The following PDE3B variants were observed in gnomAD, a reference collection of about 807,000 sequenced individuals.
The protein encoded by PDE3B is cGMP-inhibited 3',5'-cyclic phosphodiesterase 3B.
A neutral mutation model predicts 116.8 loss-of-function variants in PDE3B; 66 were observed. The ratio of observed to expected loss-of-function variants is 0.56; its 90% CI spans 0.46 to 0.69. The LOEUF is 0.69. Among genes scored for constraint, PDE3B ranks in the 30% least tolerant of loss-of-function variants. The pLI, the probability that PDE3B is intolerant of heterozygous loss-of-function variation, is 0.00. For missense variants in PDE3B, 1,384 were observed against 1,368.1 expected, an observed-to-expected ratio of 1.01 and a Z score of -0.18; for synonymous variants, 595 against 533.6, an observed-to-expected ratio of 1.12 and a Z score of -1.59.
the PDE3B span, among the ~76,000 whole-genome samples, chr11:14,883,226 G>A: frequency 4.6e-5 from 7 of 151,396 alleles, no homozygotes; most frequent in African/African-American, 1.7e-4. Flanking sequence ...GCATCGCCAA[G>A]TCAATCCTAA....
intron 1 of PDE3B, among the ~76,000 whole-genome samples, chr11:14,687,029 A>AT (rs1854898737): frequency 1.3e-5 from 2 of 152,172 alleles, no homozygotes; most frequent in African/African-American, 4.8e-5. Context: ...TTATTAAAAT[A>AT]TTTTTTATAG....
the PDE3B span, chr11:14,885,791 T>C: frequency 1.7e-5 from 28 of 1,612,692 alleles, no homozygotes; most frequent in African/African-American, 2.8e-4. Flanking sequence ...ATTTTTGTCA[T>C]CTTCATGAAT....
At chr11:14,835,447 T>A (rs201585111) in intron 11 of PDE3B, among the ~76,000 whole-genome samples, 19,574 of 151,468 alleles carry the variant, frequency 0.13, 1,394 homozygotes, top group African/African-American at 0.19. Context: ...TAAAAAAAAT[T>A]TTTTTTTTGT....
chr11:14,705,297 T>C (rs1032019002), intron 1 of PDE3B, among the ~76,000 whole-genome samples: 1 of 151,778 alleles, frequency 6.6e-6, no homozygotes, highest in Non-Finnish European at 1.5e-5. Flanking sequence ...TTGTGCTCTA[T>C]CCCTACCAGT....
intron 1 of PDE3B, among the ~76,000 whole-genome samples, chr11:14,703,583 C>G (rs1376565950): frequency 1.3e-5 from 2 of 151,544 alleles, no homozygotes; most frequent in Non-Finnish European, 3.0e-5. Context: ...CATAAGAGAT[C>G]TTAGCATATT....
chr11:14,845,944 A>G (rs964481308), intron 12 of PDE3B, among the ~76,000 whole-genome samples: 3 of 152,232 alleles, frequency 2.0e-5, no homozygotes, highest in Non-Finnish European at 2.9e-5. Context: ...AACTTCCCCA[A>G]TCTAGCAAGG....
At chr11:14,712,466 GTTTTTTTTT>G (rs58004646) in intron 1 of PDE3B, among the ~76,000 whole-genome samples, 1 of 76,282 alleles carries the variant, frequency 1.3e-5, no homozygotes, top group Admixed American at 1.7e-4. Context: ...GTACAAGCTT[GTTTTTTTTT>G]TTTTTTTTTT....
intron 1 of PDE3B, among the ~76,000 whole-genome samples, chr11:14,710,480 G>T (rs1194185493): frequency 6.6e-6 from 1 of 152,148 alleles, no homozygotes; most frequent in African/African-American, 2.4e-5. Flanking sequence ...GTAGGTTCAC[G>T]TCTGAGTGGG....
At chr11:14,810,300 A>G (rs964056076) in intron 5 of PDE3B, among the ~76,000 whole-genome samples, 1 of 146,258 alleles carries the variant, frequency 6.8e-6, no homozygotes, top group Non-Finnish European at 1.5e-5. Context: ...CATATCTCCC[A>G]ATGCTATCCC....
At chr11:14,856,767 C>T (rs1051419781) in intron 12 of PDE3B, among the ~76,000 whole-genome samples, 22 of 151,386 alleles carry the variant, frequency 1.5e-4, no homozygotes, top group Admixed American at 7.2e-4. Flanking sequence ...GGCAGGAGAA[C>T]GGCTTGAACC....
intron 1 of PDE3B, among the ~76,000 whole-genome samples, chr11:14,691,394 C>G (rs1172069509): frequency 3.9e-5 from 6 of 151,950 alleles, no homozygotes. Context: ...AATTTTTTGA[C>G]TTATTAAGTG....
chr11:14,801,421 G>A (rs754272453), intron 4 of PDE3B, among the ~76,000 whole-genome samples: 1 of 152,210 alleles, frequency 6.6e-6, no homozygotes, highest in African/African-American at 2.4e-5. Context: ...GTTTGCTGGA[G>A]GTCCACTCCA....
chr11:14,685,977 G>C (rs566660307), intron 1 of PDE3B, among the ~76,000 whole-genome samples: 2 of 152,070 alleles, frequency 1.3e-5, no homozygotes, highest in African/African-American at 4.8e-5. Flanking sequence ...TTTTATGGTT[G>C]CTGAAATAAG....
chr11:14,660,322 G>C (rs1314750705), intron 1 of PDE3B, among the ~76,000 whole-genome samples: 1 of 145,358 alleles, frequency 6.9e-6, no homozygotes, highest in Non-Finnish European at 1.5e-5. Flanking sequence ...TTTTTTTTGA[G>C]GTGGGGTCTC....
At chr11:14,759,729 A>G (rs953889478) in intron 1 of PDE3B, among the ~76,000 whole-genome samples, 12 of 151,750 alleles carry the variant, frequency 7.9e-5, no homozygotes, top group Non-Finnish European at 1.3e-4. Flanking sequence ...TTGTATTTTT[A>G]GTAGATACAG....
intron 11 of PDE3B, among the ~76,000 whole-genome samples, chr11:14,835,712 C>T (rs1246051389): frequency 6.6e-6 from 1 of 152,148 alleles, no homozygotes; most frequent in Non-Finnish European, 1.5e-5. Context: ...TAATCTAGCA[C>T]TTCTACAGGC....
intron 1 of PDE3B, among the ~76,000 whole-genome samples, chr11:14,721,876 GTAAC>G (rs1191129036): frequency 1.5e-5 from 2 of 137,216 alleles, no homozygotes; most frequent in Non-Finnish European, 3.1e-5. Flanking sequence ...GTATACATAT[GTAAC>G]TAACCTGCGC....
intron 7 of PDE3B, among the ~76,000 whole-genome samples, chr11:14,827,199 C>T (rs1356225461): frequency 6.6e-6 from 1 of 152,106 alleles, no homozygotes; most frequent in African/African-American, 2.4e-5. Context: ...AGGAGAAACC[C>T]ACAGCCAACA....
chr11:14,844,775 G>T (rs981356280), intron 12 of PDE3B, among the ~76,000 whole-genome samples: 1 of 152,254 alleles, frequency 6.6e-6, no homozygotes, highest in African/African-American at 2.4e-5. Flanking sequence ...GCAGCAGCAA[G>T]GCTGGGGAAA....
Sources: gnomAD v4.1 joint callset for allele counts (sites outside exome capture counted in the v4.1 genomes callset) on GRCh38, gnomAD v4.1.1 for gene constraint, MANE v1.5 for transcripts, NCBI Gene and HGNC (gene_info 2026-07-23, HGNC 2026-07-21) for gene names.